PTPRD: variants seen among roughly 807,000 people sequenced by gnomAD.
The protein encoded by PTPRD is receptor-type tyrosine-protein phosphatase delta.
In PTPRD, 34 loss-of-function variants were observed where a neutral mutation model predicts 214.5. The ratio of observed to expected loss-of-function variants is 0.16; its 90% CI spans 0.12 to 0.21. The LOEUF is 0.21. PTPRD is among the 10% of genes least tolerant of loss of function. The pLI is 1.00. For missense variants in PTPRD, 2,545 were observed against 2,398.7 expected, an observed-to-expected ratio of 1.06 and a Z score of -1.27; for synonymous variants, 1,128 against 845.7, an observed-to-expected ratio of 1.33 and a Z score of -5.79.
At chr9:8,767,465 G>T (rs753762437) in intron 11 of PTPRD, among the ~76,000 whole-genome samples, 3 of 152,064 alleles carry the variant, frequency 2.0e-5, no homozygotes, top group Admixed American at 6.6e-5. Context: ...TCTACTCAAA[G>T]ATCATTTATA....
chr9:9,750,401 G>A (rs753310546), intron 6 of PTPRD, among the ~76,000 whole-genome samples: 8 of 151,994 alleles, frequency 5.3e-5, no homozygotes, highest in East Asian at 1.9e-4. Context: ...GACTCCCTCA[G>A]CTTATATACA....
intron 7 of PTPRD, among the ~76,000 whole-genome samples, chr9:9,733,493 G>C (rs978832722): frequency 1.3e-5 from 2 of 152,130 alleles, no homozygotes; most frequent in Non-Finnish European, 2.9e-5. Context: ...GAACTTGAAG[G>C]ATGAAACCCA....
intron 11 of PTPRD, among the ~76,000 whole-genome samples, chr9:8,992,521 T>C (rs1189076732): frequency 6.6e-6 from 1 of 152,162 alleles, no homozygotes; most frequent in Non-Finnish European, 1.5e-5. Context: ...TATTCTATTT[T>C]ACTTCTCATT....
At chr9:8,874,600 T>C (rs1479581898) in intron 11 of PTPRD, among the ~76,000 whole-genome samples, 2 of 152,322 alleles carry the variant, frequency 1.3e-5, no homozygotes, top group Middle Eastern at 3.4e-3. Flanking sequence ...TACCTTGTTC[T>C]CCTAATGACT....
chr9:10,391,286 T>C (rs376614735), intron 2 of PTPRD, among the ~76,000 whole-genome samples: 1 of 151,816 alleles, frequency 6.6e-6, no homozygotes, highest in Non-Finnish European at 1.5e-5. Context: ...TTTTTGTGGT[T>C]TGGACAATAT....
At chr9:9,146,314 T>G (rs2099868523) in intron 10 of PTPRD, among the ~76,000 whole-genome samples, 1 of 152,166 alleles carries the variant, frequency 6.6e-6, no homozygotes, top group African/African-American at 2.4e-5. Context: ...TTGTAGTAAG[T>G]CAGTGTTTCT....
chr9:8,768,798 G>A (rs2094961089), intron 11 of PTPRD, among the ~76,000 whole-genome samples: 1 of 151,982 alleles, frequency 6.6e-6, no homozygotes, highest in African/African-American at 2.4e-5. Flanking sequence ...TTATAATCTG[G>A]AATTAATATT....
At chr9:8,779,790 A>G (rs548616651) in intron 11 of PTPRD, among the ~76,000 whole-genome samples, 1 of 149,462 alleles carries the variant, frequency 6.7e-6, no homozygotes, top group South Asian at 2.1e-4. Flanking sequence ...ATATTTGCTC[A>G]CACATTATGT....
intron 2 of PTPRD, among the ~76,000 whole-genome samples, chr9:10,421,212 A>G (rs998774978): frequency 1.3e-4 from 19 of 151,928 alleles, no homozygotes; most frequent in Non-Finnish European, 5.9e-5. Context: ...GGGGTTCTGC[A>G]CTGCAGATTA....
intron 3 of PTPRD, among the ~76,000 whole-genome samples, chr9:10,095,558 T>C (rs940282208): frequency 6.6e-6 from 1 of 151,558 alleles, no homozygotes; most frequent in Non-Finnish European, 1.5e-5. Flanking sequence ...GCCTTCTCTA[T>C]ATACCAGACA....
intron 9 of PTPRD, among the ~76,000 whole-genome samples, chr9:9,376,756 C>T (rs1422144621): frequency 6.6e-6 from 1 of 151,916 alleles, no homozygotes; most frequent in African/African-American, 2.4e-5. Context: ...TATTATAAAG[C>T]AGTATAACAT....
chr9:9,191,331 G>A (rs376337386), intron 9 of PTPRD, among the ~76,000 whole-genome samples: 1 of 152,066 alleles, frequency 6.6e-6, no homozygotes, highest in South Asian at 2.1e-4. Context: ...CAAAAGCCAT[G>A]TTGCTGAACT....
intron 3 of PTPRD, among the ~76,000 whole-genome samples, chr9:10,327,683 G>T (rs1468905556): frequency 6.6e-6 from 1 of 151,656 alleles, no homozygotes; most frequent in African/African-American, 2.4e-5. Flanking sequence ...AGATTTACAA[G>T]AAGTGCTATT....
At chr9:9,235,166 G>A (rs2099965764) in intron 9 of PTPRD, among the ~76,000 whole-genome samples, 1 of 152,084 alleles carries the variant, frequency 6.6e-6, no homozygotes, top group Admixed American at 6.6e-5. Flanking sequence ...CCAAGCAATG[G>A]GGGAAAAGCC....
intron 3 of PTPRD, among the ~76,000 whole-genome samples, chr9:10,083,569 T>C (rs1435375608): frequency 1.3e-5 from 2 of 151,994 alleles, no homozygotes; most frequent in African/African-American, 2.4e-5. Context: ...GAACTTAATA[T>C]ATAAATGCAA....
At chr9:8,814,367 C>CT (rs55878549) in intron 11 of PTPRD, among the ~76,000 whole-genome samples, 35,270 of 151,762 alleles carry the variant, frequency 0.23, 4,237 homozygotes, top group East Asian at 0.34. Flanking sequence ...TCACGGAGAA[C>CT]GCTTTAAGTG....
At position 10,018,696 on chromosome 9, in the gene PTPRD, C is replaced by T. The variant is rs1270356105; in HGVS notation, c.-472+15022G>A. Among the ~76,000 whole-genome samples the T allele has an allele frequency of 2.5e-3, 370 of 149,466 alleles. 3 individuals carry two copies. The highest frequency in any genetic ancestry group is 9.8e-4 in the East Asian group (5 of 5,086). On this transcript the variant is annotated intron_variant, in intron 4 of 45. Coordinates refer to ENST00000381196, the MANE Select transcript of PTPRD (RefSeq NM_002839.4). ...CCAAGTAGCTGGGACTACAGGCGCC[C>T]GCCACTACGCCCGGCTAATTTTTTT...
chr9:9,475,343 C>T (rs16929562), intron 8 of PTPRD, among the ~76,000 whole-genome samples: 1,560 of 152,244 alleles, frequency 0.01, 35 homozygotes, highest in African/African-American at 0.035. Flanking sequence ...CCATAAACAA[C>T]CTGTATAGCC....
At chr9:9,403,028 G>A (rs1400553966) in intron 8 of PTPRD, among the ~76,000 whole-genome samples, 1 of 147,148 alleles carries the variant, frequency 6.8e-6, no homozygotes, top group African/African-American at 2.5e-5. Flanking sequence ...GGTGTCTCCT[G>A]CCTGTAATCC....
Sources: gnomAD v4.1 joint callset for allele counts (sites outside exome capture counted in the v4.1 genomes callset) on GRCh38, gnomAD v4.1.1 for gene constraint, MANE v1.5 for transcripts, NCBI Gene and HGNC (gene_info 2026-07-23, HGNC 2026-07-21) for gene names.